Variants in SLC9A8 observed in about 807,000 individuals in gnomAD.
The protein encoded by SLC9A8 is solute carrier family 9 member A8.
Under a neutral mutation model 66.6 loss-of-function variants are expected in SLC9A8, and 48 were observed. The ratio of observed to expected loss-of-function variants is 0.72; its 90% CI spans 0.57 to 0.92. The LOEUF (loss-of-function observed/expected upper bound fraction) is 0.92, where lower values mean the gene tolerates loss of function less well. SLC9A8 is among the 40% of genes least tolerant of loss of function. The pLI is 0.00. For synonymous variants in SLC9A8, 274 were observed against 282.6 expected, an observed-to-expected ratio of 0.97 and a Z score of 0.31; for missense variants, 599 against 747.3, an observed-to-expected ratio of 0.80 and a Z score of 2.31.
intron 3 of SLC9A8, among the ~76,000 whole-genome samples, chr20:49,825,765 T>C (rs1444544884): frequency 2.0e-5 from 3 of 152,188 alleles, no homozygotes; most frequent in Non-Finnish European, 4.4e-5. Flanking sequence ...TGGACCCAGT[T>C]CTTCTCCATG....
intron 4 of SLC9A8, among the ~76,000 whole-genome samples, chr20:49,844,321 T>C (rs1178087428): frequency 6.6e-6 from 1 of 152,198 alleles, no homozygotes; most frequent in East Asian, 1.9e-4. Flanking sequence ...TGGATTGTTT[T>C]AGGGCTTGCC....
chr20:49,858,031 C>T (rs1291290255), intron 8 of SLC9A8, among the ~76,000 whole-genome samples: 1 of 152,126 alleles, frequency 6.6e-6, no homozygotes, highest in Non-Finnish European at 1.5e-5. Context: ...ATTGCTACTA[C>T]CTAGAGATAA....
chr20:49,815,411 A>G (rs149484199), intron 2 of SLC9A8: 2 of 395,422 alleles, frequency 5.1e-6, no homozygotes, highest in Non-Finnish European at 8.8e-6. Flanking sequence ...TGTTGATGTA[A>G]TATCTTGGCC....
intron 3 of SLC9A8, among the ~76,000 whole-genome samples, chr20:49,825,084 C>T (rs570525965): frequency 1.3e-5 from 2 of 152,184 alleles, no homozygotes; most frequent in South Asian, 4.2e-4. Flanking sequence ...TAAGGATTGC[C>T]GAGGGGACAG....
chr20:49,857,998 A>G (rs2088575567), intron 8 of SLC9A8, among the ~76,000 whole-genome samples: 1 of 152,224 alleles, frequency 6.6e-6, no homozygotes. Context: ...TACACAAGCA[A>G]AAAAGAGAGA....
intron 3 of SLC9A8, among the ~76,000 whole-genome samples, chr20:49,838,906 G>A (rs553929360): frequency 2.5e-3 from 375 of 152,276 alleles, no homozygotes; most frequent in Admixed American, 3.9e-3. Flanking sequence ...GTTAAGAGTC[G>A]TTTATCTAGG....
chr20:49,813,873 A>G (rs1435398010), intron 1 of SLC9A8, among the ~76,000 whole-genome samples: 1 of 152,178 alleles, frequency 6.6e-6, no homozygotes, highest in Non-Finnish European at 1.5e-5. Context: ...TAGCTGGACA[A>G]GGGGAGATGG....
chr20:49,834,431 CT>C (rs2087432085), intron 3 of SLC9A8, among the ~76,000 whole-genome samples: 4 of 31,566 alleles, frequency 1.3e-4, no homozygotes, highest in Admixed American at 3.2e-4. Context: ...TATATATATA[CT>C]GTATATATAT....
intron 10 of SLC9A8, among the ~76,000 whole-genome samples, chr20:49,868,003 T>C (rs1456926733): frequency 6.6e-6 from 1 of 152,212 alleles, no homozygotes; most frequent in East Asian, 1.9e-4. Context: ...CCAGGGTAAT[T>C]CCATCCTGGT....
Position 49,855,637 on chromosome 20 carries a change from G to A in SLC9A8, c.713+56G>A, listed in dbSNP as rs2088444494. On this transcript the variant is annotated intron_variant, in intron 8 of 15. Transcript: ENST00000361573. ...TCATGTGACAGAACTAAAGGTCCTT[G>A]TAACAAAGGGGCAGATATTTCCACA... 11 of 1,538,116 alleles carry A rather than the reference G, an allele frequency of 7.2e-6. No homozygotes were observed. The South Asian group carries it at 1.2e-4, about 16-fold the overall frequency.
chr20:49,862,307 G>A (rs1180935088), intron 8 of SLC9A8, among the ~76,000 whole-genome samples: 1 of 152,038 alleles, frequency 6.6e-6, no homozygotes, highest in Non-Finnish European at 1.5e-5. Flanking sequence ...TGTTGCCCAG[G>A]CTGGAGTGTA....
intron 4 of SLC9A8, among the ~76,000 whole-genome samples, chr20:49,844,198 C>G (rs191829232): frequency 6.7e-4 from 102 of 152,218 alleles, no homozygotes; most frequent in Non-Finnish European, 1.2e-3. Context: ...AAAGAGCATC[C>G]AGTGTGGACT....
At chr20:49,834,014 TGA>T (rs2087320259) in intron 3 of SLC9A8, among the ~76,000 whole-genome samples, 1 of 151,664 alleles carries the variant, frequency 6.6e-6, no homozygotes, top group Admixed American at 6.6e-5. Context: ...TTTGGGAGGC[TGA>T]GACAGGCGGA....
intron 7 of SLC9A8, among the ~76,000 whole-genome samples, chr20:49,854,485 C>T (rs909599020): frequency 2.0e-5 from 3 of 152,108 alleles, no homozygotes; most frequent in Non-Finnish European, 2.9e-5. Flanking sequence ...CTCTCCAGAC[C>T]GCCCCATCTA....
At chr20:49,869,906 T>C (rs1270219109) in intron 10 of SLC9A8, among the ~76,000 whole-genome samples, 1 of 152,158 alleles carries the variant, frequency 6.6e-6, no homozygotes, top group Non-Finnish European at 1.5e-5. Flanking sequence ...GGTGCAGTGC[T>C]CTTCTGCACA....
At chr20:49,830,093 C>A in intron 3 of SLC9A8, 1 of 744,854 alleles carries the variant, frequency 1.3e-6, no homozygotes, top group Non-Finnish European at 2.5e-6. Flanking sequence ...CCATCATTTC[C>A]TGCTAAGCCA....
intron 15 of SLC9A8, 118 bp downstream of exon 15, chr20:49,887,016 C>T (rs764231363): frequency 7.7e-5 from 88 of 1,138,106 alleles, no homozygotes; most frequent in South Asian, 3.1e-4. Context: ...CACGTGGGCC[C>T]GCCAGGCCGC....
intron 4 of SLC9A8, among the ~76,000 whole-genome samples, chr20:49,844,612 T>G (rs2087901415): frequency 8.6e-6 from 1 of 116,726 alleles, no homozygotes; most frequent in African/African-American, 3.1e-5. Context: ...AGCGGGACCC[T>G]GTATCTTAAA....
Position 49,817,727 on chromosome 20 carries a change from A to G in SLC9A8, c.208+2538A>G, listed in dbSNP as rs6122831. 0.023 allele frequency among the ~76,000 whole-genome samples: 3,482 copies of G among 152,282 alleles called. 385 individuals are homozygous for G. In the East Asian group the frequency reaches 0.35, roughly 15 times the overall value. On this transcript the variant is annotated intron_variant, in intron 2 of 15. Transcript: ENST00000361573. ...TTAGAAACTTATAAACCGATACTGA[A>G]AAAGTACACAGACCAGAAGTATACA...
Sources: allele counts gnomAD v4.1 joint callset (sites outside exome capture counted in the v4.1 genomes callset), GRCh38; gene constraint gnomAD v4.1.1; transcripts MANE v1.5; gene names NCBI Gene and HGNC (gene_info 2026-07-23, HGNC 2026-07-21).